The following PCNX2 variants were observed in gnomAD, a reference collection of about 807,000 sequenced individuals.
PCNX2 encodes pecanex-like protein 2.
Under a neutral mutation model 223.8 loss-of-function variants are expected in PCNX2, and 168 were observed. The observed-to-expected ratio is 0.75, with a 90% CI of 0.66 to 0.85. The LOEUF is 0.85. Among genes scored for constraint, PCNX2 ranks in the 40% least tolerant of loss-of-function variants. The pLI, the probability that PCNX2 is intolerant of heterozygous loss-of-function variation, is 0.00. For synonymous variants in PCNX2, 1,006 were observed against 1,052.6 expected (o/e 0.96, Z 0.86); for missense variants, 2,507 against 2,675.5 (o/e 0.94, Z 1.39).
At chr1:233,055,036 G>C (rs531438696) in intron 24 of PCNX2, among the ~76,000 whole-genome samples, 1 of 152,276 alleles carries the variant, frequency 6.6e-6, no homozygotes, top group East Asian at 1.9e-4. Context: ...CCCTCTGTAT[G>C]CATGTGCTAC....
At chr1:232,998,552 T>C (rs889047445) in intron 31 of PCNX2, 114 bp from the exon 32 acceptor site, 3 of 1,089,038 alleles carry the variant, frequency 2.8e-6, no homozygotes, top group African/African-American at 3.2e-5. Flanking sequence ...TCCAGGTGAG[T>C]AGCCCACCTG....
intron 1 of PCNX2, among the ~76,000 whole-genome samples, chr1:233,266,790 A>C (rs1383263301): frequency 6.6e-6 from 1 of 152,210 alleles, no homozygotes; most frequent in Non-Finnish European, 1.5e-5. Context: ...TTTCAACATC[A>C]TATCCTTGGC....
At chr1:233,315,698 C>T in the PCNX2 span, among the ~76,000 whole-genome samples, 6 of 152,166 alleles carry the variant, frequency 3.9e-5, no homozygotes, top group Admixed American at 3.9e-4. Flanking sequence ...AGAAAGTTAA[C>T]TCACAAAAAC....
intron 15 of PCNX2, among the ~76,000 whole-genome samples, chr1:233,187,782 C>T (rs1398252641): frequency 6.6e-6 from 1 of 152,070 alleles, no homozygotes; most frequent in African/African-American, 2.4e-5. Flanking sequence ...ATCGGTTTCC[C>T]CTTCATCCTC....
At chr1:233,223,348 G>A (rs1006855589) in intron 10 of PCNX2, among the ~76,000 whole-genome samples, 1 of 152,168 alleles carries the variant, frequency 6.6e-6, no homozygotes, top group East Asian at 1.9e-4. Context: ...AGAATGAAAG[G>A]AGCAAATGGA....
At chr1:233,302,598 T>C in the PCNX2 span, among the ~76,000 whole-genome samples, 1 of 151,500 alleles carries the variant, frequency 6.6e-6, no homozygotes, top group Non-Finnish European at 1.5e-5. Context: ...TTTTTCTATC[T>C]TCTTGAGATG....
intron 20 of PCNX2, 133 bp from the exon 21 acceptor site, chr1:233,135,323 C>G: frequency 1.1e-6 from 1 of 934,304 alleles, no homozygotes; most frequent in South Asian, 1.8e-5. Flanking sequence ...ATCTAAGGGG[C>G]CCCATTATTG....
intron 21 of PCNX2, among the ~76,000 whole-genome samples, chr1:233,097,683 A>T (rs1462551643): frequency 6.6e-6 from 1 of 152,192 alleles, no homozygotes; most frequent in Non-Finnish European, 1.5e-5. Context: ...GTCCAGTCTT[A>T]CAAGTTTACA....
rs773211979 is a variant in PCNX2, at chr1:233,025,405, C to A, written c.4352-6G>T. 20 of 1,612,932 alleles carry A rather than the reference C, an allele frequency of 1.2e-5. No homozygotes were observed. In the Admixed American group the frequency reaches 3.2e-4, roughly 26 times the overall value. ...CCTCTGCTGGCAGTAGGTTCCTGGCCGAGCACAAACATGAAGGAAGTTTGA... is the reference window on the plus strand; with the variant it reads ...CCTCTGCTGGCAGTAGGTTCCTGGCAGAGCACAAACATGAAGGAAGTTTGA... On this transcript the variant is annotated splice_region_variant and splice_polypyrimidine_tract_variant and intron_variant, in intron 25 of 33. Coordinates refer to ENST00000258229, the MANE Select transcript of PCNX2 (RefSeq NM_014801.4).
intron 9 of PCNX2, among the ~76,000 whole-genome samples, chr1:233,229,119 G>A (rs146289519): frequency 6.6e-6 from 1 of 152,172 alleles, no homozygotes; most frequent in South Asian, 2.1e-4. Context: ...TGATGTCAAA[G>A]TGCCTGGCAT....
intron 21 of PCNX2, among the ~76,000 whole-genome samples, chr1:233,104,292 G>C (rs1163165055): frequency 1.3e-5 from 2 of 151,902 alleles, no homozygotes; most frequent in African/African-American, 4.8e-5. Context: ...AGATTTAGAA[G>C]AAATATTAAA....
chr1:233,322,124 C>G, the PCNX2 span, among the ~76,000 whole-genome samples: 1 of 152,180 alleles, frequency 6.6e-6, no homozygotes, highest in Non-Finnish European at 1.5e-5. Context: ...CAACCCCATA[C>G]AGCCATTCCT....
rs1484421002 is a variant in PCNX2 at position 233,001,428 on chromosome 1, G to A, written c.5097+109C>T. On this transcript the variant is annotated intron_variant, in intron 29 of 33. Coordinates refer to ENST00000258229, the MANE Select transcript of PCNX2 (RefSeq NM_014801.4). The surrounding 1 kb of genome is among the most constrained non-coding windows in gnomAD (Gnocchi z 4.2). ...CGGGAGGTGGAGGTTGTGGTGAGCC[G>A]AGATTGTGCCATTGCACCCCAGCCT... 3.0e-6 allele frequency: 2 copies of A among 668,308 alleles called. No homozygotes were observed. The highest frequency in any genetic ancestry group is 2.0e-6 in the Non-Finnish European group (1 of 510,854). 41.4% of individuals were successfully genotyped at this position (668,308 alleles called of 1,614,324 possible).
At chr1:233,211,751 A>G in intron 12 of PCNX2, 1 of 984,542 alleles carries the variant, frequency 1.0e-6, no homozygotes, top group South Asian at 4.7e-5. Context: ...CCAAGGACTC[A>G]GCCTGACATC....
rs192709989 is a variant in PCNX2, at chr1:233,119,892, C to T, written c.3837+15121G>A. Among the ~76,000 whole-genome samples, 480 of 152,034 alleles carry T rather than the reference C, an allele frequency of 3.2e-3. 5 individuals are homozygous for T. The highest frequency in any genetic ancestry group is 3.0e-3 in the Non-Finnish European group (203 of 67,978). ...CAAATCTAGAGTACACAGGGCTGGGCGCGGTGGCTAATGCCTGTAATCCCA... is the reference window on the plus strand; with the variant it reads ...CAAATCTAGAGTACACAGGGCTGGGTGCGGTGGCTAATGCCTGTAATCCCA... On this transcript the variant is annotated intron_variant, in intron 21 of 33. Transcript: ENST00000258229.
Position 232,983,773 on chromosome 1 carries a change from T to C in PCNX2, c.*531A>G, listed in dbSNP as rs1018466719. On this transcript the variant is annotated 3_prime_UTR_variant, in exon 34 of 34. Coordinates refer to ENST00000258229, the MANE Select transcript of PCNX2 (RefSeq NM_014801.4). The stretch of plus-strand genomic sequence containing the variant: ...AATATTATAAAGAAATAGGGTTTTC[T>C]TGACACTTAGATTTAACCTTAATGC... The C allele has an allele frequency of 1.3e-5, 2 of 152,250 alleles. No homozygotes were observed. The highest frequency in any genetic ancestry group is 2.9e-5 in the Non-Finnish European group (2 of 68,044). 9.4% of individuals were successfully genotyped at this position (152,250 alleles called of 1,614,324 possible). A position where few individuals can be genotyped will look rare whatever the true frequency, so the allele number is the denominator to read the frequency against.
intron 4 of PCNX2, among the ~76,000 whole-genome samples, chr1:233,259,631 C>T (rs61369477): frequency 2.6e-5 from 4 of 152,020 alleles, no homozygotes; most frequent in African/African-American, 4.8e-5. Flanking sequence ...CCTTGCCCCC[C>T]ACCTCTGACA....
chr1:233,237,439 T>C (rs1658490217), intron 8 of PCNX2, among the ~76,000 whole-genome samples: 1 of 152,146 alleles, frequency 6.6e-6, no homozygotes, highest in Admixed American at 6.6e-5. Context: ...GCAAGGTAAG[T>C]ACTTATTAGA....
intron 17 of PCNX2, among the ~76,000 whole-genome samples, chr1:233,169,771 A>G (rs989801189): frequency 2.0e-5 from 3 of 151,958 alleles, no homozygotes; most frequent in Non-Finnish European, 4.4e-5. Flanking sequence ...CATTTCCAGC[A>G]TCCTAGAAGC....
Sources: allele counts gnomAD v4.1 joint callset (sites outside exome capture counted in the v4.1 genomes callset), GRCh38; gene constraint gnomAD v4.1.1; non-coding constraint Gnocchi (gnomAD v3.1); transcripts MANE v1.5; gene names NCBI Gene and HGNC (gene_info 2026-07-23, HGNC 2026-07-21).